Variants in PLAAT3 observed in about 807,000 individuals in gnomAD.
The protein encoded by PLAAT3 is phospholipase A and acyltransferase 3, also known as Ca-independent phospholipase A1/2.
A neutral mutation model predicts 16.7 loss-of-function variants in PLAAT3; 21 were observed. The ratio of observed to expected loss-of-function variants is 1.26; its 90% CI spans 0.89 to 1.81. PLAAT3 has a LOEUF of 1.81. PLAAT3 is among the 40% of genes most tolerant of loss of function. PLAAT3 has a pLI of 0.00. For missense variants in PLAAT3, 219 were observed against 213.7 expected, an observed-to-expected ratio of 1.02 and a Z score of -0.16; for synonymous variants, 76 against 81.7, an observed-to-expected ratio of 0.93 and a Z score of 0.38.
At chr11:63,615,178 G>GTGTGTATA (rs1352062812), upstream of PLAAT3, among the ~76,000 whole-genome samples, 6 of 52,900 alleles carry the variant, frequency 1.1e-4, 1 homozygote, top group African/African-American at 3.1e-4. Flanking sequence ...GTGTGTATAT[G>GTGTGTATA]TGTGTATATA....
chr11:63,606,425 A>AACACACACACACACACACACACACACAC (rs34044017), intron 2 of PLAAT3, among the ~76,000 whole-genome samples: 20 of 140,212 alleles, frequency 1.4e-4, no homozygotes, highest in African/African-American at 5.2e-4. Flanking sequence ...TCTACTATAA[A>AACACACACACACACACACACACACACAC]ACACACACAC....
chr11:63,589,960 T>TCCCCAC (rs869208949), intron 4 of PLAAT3, 140 bp downstream of exon 4: 15 of 238,362 alleles, frequency 6.3e-5, no homozygotes, highest in Admixed American at 2.2e-4. Context: ...CCCACCCTTG[T>TCCCCAC]CCCAACTGTG....
intron 4 of PLAAT3, among the ~76,000 whole-genome samples, chr11:63,589,290 A>T (rs146340372): frequency 2.0e-5 from 3 of 152,058 alleles, no homozygotes; most frequent in South Asian, 2.1e-4. Flanking sequence ...ATCTCAAAAA[A>T]AATAATAATA....
At position 63,590,183 on chromosome 11, in the gene PLAAT3, G is replaced by GC; in HGVS notation, c.303dup (p.Gln102AlafsTer10). 1 of 1,614,150 alleles carries GC rather than the reference G, an allele frequency of 6.2e-7. No individual in the cohort carries two copies. The highest frequency in any genetic ancestry group is 8.5e-7 in the Non-Finnish European group (1 of 1,179,970). ...CTGGTCAGCTTGTAGAGCACCTCCT[G>GC]CCCCACCAGCTCCTCCGCCCGCTGG... On this transcript the variant is annotated frameshift_variant, in exon 4 of 5. Transcript: ENST00000415826. LOFTEE classifies it high-confidence loss of function.
intron 4 of PLAAT3, among the ~76,000 whole-genome samples, chr11:63,581,630 TTATA>T (rs1433491030): frequency 2.6e-4 from 39 of 152,330 alleles, no homozygotes; most frequent in African/African-American, 9.4e-4. Flanking sequence ...CTTGTGATCT[TTATA>T]GCCCTTTGAA....
At chr11:63,594,144 A>C (rs1289838002) in intron 3 of PLAAT3, among the ~76,000 whole-genome samples, 1 of 152,250 alleles carries the variant, frequency 6.6e-6, no homozygotes, top group Non-Finnish European at 1.5e-5. Context: ...AGGCCTGAGC[A>C]GCTGAATGGT....
rs183156212 is a variant in PLAAT3 at position 63,592,171 on chromosome 11, T to C, written c.119-1803A>G. 4.3e-4 allele frequency among the ~76,000 whole-genome samples: 65 copies of C among 152,208 alleles called. No homozygotes were observed. The East Asian group carries it at 4.6e-3, about 11-fold the overall frequency. ...ACAGTAATTTAAAGTTCCTTCTTTT[T>C]TTTTTCTTATTTTGAGACAGAGTCT... On this transcript the variant is annotated intron_variant, in intron 3 of 4. Coordinates refer to ENST00000415826, the MANE Select transcript of PLAAT3 (RefSeq NM_001128203.2).
intron 4 of PLAAT3, among the ~76,000 whole-genome samples, chr11:63,575,710 A>T (rs1298258536): frequency 6.6e-6 from 1 of 152,248 alleles, no homozygotes; most frequent in South Asian, 2.1e-4. Flanking sequence ...ACTCAACTAA[A>T]AGTAAACTAA....
At chr11:63,602,304 G>T (rs957757726) in intron 2 of PLAAT3, among the ~76,000 whole-genome samples, 3 of 150,614 alleles carry the variant, frequency 2.0e-5, no homozygotes, top group Admixed American at 2.0e-4. Flanking sequence ...AAAAAATGAT[G>T]ATTAAAGGGA....
At chr11:63,612,212 ATATTACCCAGGG>A (rs1471285169) in intron 2 of PLAAT3, among the ~76,000 whole-genome samples, 1 of 151,922 alleles carries the variant, frequency 6.6e-6, no homozygotes, top group Non-Finnish European at 1.5e-5. Flanking sequence ...GGGTCTTGCT[ATATTACCCAGGG>A]TAGTTTCAAA....
At chr11:63,588,707 C>T (rs922777935) in intron 4 of PLAAT3, among the ~76,000 whole-genome samples, 3 of 152,106 alleles carry the variant, frequency 2.0e-5, no homozygotes, top group African/African-American at 7.2e-5. Flanking sequence ...TCACCTTTAA[C>T]ATTCATATAT....
chr11:63,575,243 T>C (rs1285772958), intron 4 of PLAAT3, among the ~76,000 whole-genome samples, 197 bp from the exon 5 acceptor site: 1 of 152,244 alleles, frequency 6.6e-6, no homozygotes, highest in African/African-American at 2.4e-5. Flanking sequence ...TGGAGCCAGC[T>C]GGCCTGAAAT....
At chr11:63,593,018 C>A (rs1938190466) in intron 3 of PLAAT3, among the ~76,000 whole-genome samples, 3 of 152,156 alleles carry the variant, frequency 2.0e-5, no homozygotes, top group Admixed American at 2.0e-4. Context: ...CACCTGTCCA[C>A]CCGGGTGCTT....
intron 2 of PLAAT3, among the ~76,000 whole-genome samples, chr11:63,611,133 G>A (rs1283690101): frequency 1.3e-5 from 2 of 152,012 alleles, no homozygotes; most frequent in African/African-American, 4.8e-5. Context: ...TTTTCTGCAG[G>A]CTCTCGCTCT....
intron 2 of PLAAT3, among the ~76,000 whole-genome samples, chr11:63,611,965 C>T (rs1938703756): frequency 6.6e-6 from 1 of 152,000 alleles, no homozygotes; most frequent in Non-Finnish European, 1.5e-5. Flanking sequence ...ATGGAGAAAC[C>T]CTGTCTCTAC....
chr11:63,576,808 A>G (rs544720605), intron 4 of PLAAT3, among the ~76,000 whole-genome samples: 56 of 152,342 alleles, frequency 3.7e-4, no homozygotes, highest in African/African-American at 1.3e-3. Flanking sequence ...TAATTTCCTG[A>G]TAGTAAGACA....
At position 63,602,545 on chromosome 11, in the gene PLAAT3, G is replaced by A. The variant is rs564389068; in HGVS notation, c.16-4382C>T. On this transcript the variant is annotated intron_variant, in intron 2 of 4. Transcript: ENST00000415826. ...GTTCATGGGCCAAATTTGGACCTCTGCCTGCAAGAGGTCTGCCTGCAAGCT... is the reference window on the plus strand; with the variant it reads ...GTTCATGGGCCAAATTTGGACCTCTACCTGCAAGAGGTCTGCCTGCAAGCT... Among the ~76,000 whole-genome samples, 140 of 150,666 alleles carry A rather than the reference G, an allele frequency of 9.3e-4. 1 individual carries two copies. The highest frequency in any genetic ancestry group is 3.4e-3 in the African/African-American group (138 of 40,966).
intron 2 of PLAAT3, among the ~76,000 whole-genome samples, chr11:63,598,976 G>C (rs114014069): frequency 3.3e-5 from 5 of 152,272 alleles, no homozygotes; most frequent in Middle Eastern, 3.4e-3. Flanking sequence ...TGTTAGGGGA[G>C]CATGGGGCAG....
At chr11:63,613,848 A>C in intron 2 of PLAAT3, 152 bp downstream of exon 2, 1 of 637,652 alleles carries the variant, frequency 1.6e-6, no homozygotes. Flanking sequence ...GCCGACCCGC[A>C]GCTGACACCG....
Sources: gnomAD v4.1 joint callset for allele counts (sites outside exome capture counted in the v4.1 genomes callset) on GRCh38, gnomAD v4.1.1 for gene constraint, MANE v1.5 for transcripts, NCBI Gene and HGNC (gene_info 2026-07-23, HGNC 2026-07-21) for gene names.